Variants in STAB2 observed in about 807,000 individuals in gnomAD.
The protein encoded by STAB2 is stabilin 2.
In STAB2, 288 loss-of-function variants were observed where a neutral mutation model predicts 338.1. The observed-to-expected ratio is 0.85, with a 90% CI of 0.77 to 0.94. The LOEUF (loss-of-function observed/expected upper bound fraction) is 0.94. Ranked by LOEUF, STAB2 falls within the 40% of genes least tolerant of loss-of-function variation. STAB2 has a pLI of 0.00. For synonymous variants in STAB2, 1,202 were observed against 1,193.3 expected (o/e 1.01, Z -0.15); for missense variants, 3,141 against 3,210.1 (o/e 0.98, Z 0.52).
intron 3 of STAB2, among the ~76,000 whole-genome samples, chr12:103,598,847 AC>A (rs1956914673): frequency 6.6e-6 from 1 of 152,144 alleles, no homozygotes; most frequent in African/African-American, 2.4e-5. Context: ...TATATGATAG[AC>A]CCCATTCCCA....
intron 30 of STAB2, among the ~76,000 whole-genome samples, chr12:103,691,532 A>G (rs2138911520): frequency 6.6e-6 from 1 of 152,362 alleles, no homozygotes; most frequent in South Asian, 2.1e-4. Flanking sequence ...TGATGTTTTG[A>G]TATACAAATA....
At chr12:103,670,631 C>G (rs555082722) in intron 21 of STAB2, 65 bp from the exon 22 acceptor site, 1 of 1,269,172 alleles carries the variant, frequency 7.9e-7, no homozygotes, top group Non-Finnish European at 1.1e-6. Context: ...GAAGTCAGGC[C>G]ATGAAATGAA....
intron 12 of STAB2, among the ~76,000 whole-genome samples, chr12:103,654,018 AG>A (rs1565987130): frequency 6.6e-6 from 1 of 152,010 alleles, no homozygotes; most frequent in African/African-American, 2.4e-5. Flanking sequence ...AGATGGATGG[AG>A]GATGCATGCA....
chr12:103,645,460 C>A (rs374933687), intron 9 of STAB2, among the ~76,000 whole-genome samples: 2 of 152,238 alleles, frequency 1.3e-5, no homozygotes, highest in African/African-American at 4.8e-5. Flanking sequence ...CACCTAACAA[C>A]TCAAGAAACT....
intron 3 of STAB2, among the ~76,000 whole-genome samples, chr12:103,610,337 A>G (rs908933882): frequency 2.6e-5 from 4 of 152,122 alleles, no homozygotes; most frequent in Admixed American, 2.6e-4. Context: ...TTGGTTGGTA[A>G]GCTATTAATT....
intron 67 of STAB2, 33 bp from the exon 68 acceptor site, chr12:103,763,459 G>A (rs1566087661): frequency 1.2e-6 from 2 of 1,601,816 alleles, no homozygotes; most frequent in Admixed American, 1.7e-5. Context: ...CTTTGGGGAT[G>A]CTCCTGGCTT....
intron 50 of STAB2, among the ~76,000 whole-genome samples, 189 bp downstream of exon 50, chr12:103,731,824 G>C (rs1348287137): frequency 6.6e-6 from 1 of 152,170 alleles, no homozygotes; most frequent in East Asian, 1.9e-4. Flanking sequence ...TATATGGCTT[G>C]TTGAGCTATA....
chr12:103,729,095 G>C, intron 48 of STAB2, 100 bp downstream of exon 48: 1 of 1,202,010 alleles, frequency 8.3e-7, no homozygotes. Context: ...AACTAATGCA[G>C]GAACAGAAAA....
intron 67 of STAB2, chr12:103,763,167 C>A: frequency 3.9e-6 from 1 of 254,686 alleles, no homozygotes; most frequent in Non-Finnish European, 7.6e-6. Context: ...GGCAACACCA[C>A]TTCAGGGTGA....
chr12:103,613,942 A>G (rs562671246), intron 3 of STAB2, among the ~76,000 whole-genome samples: 68 of 152,210 alleles, frequency 4.5e-4, no homozygotes, highest in African/African-American at 1.4e-3. Context: ...TATTTTGAAC[A>G]TTGTATTTTC....
At chr12:103,590,827 T>G in intron 1 of STAB2, 70 bp from the exon 2 acceptor site, 1 of 1,580,932 alleles carries the variant, frequency 6.3e-7, no homozygotes, top group African/African-American at 1.3e-5. Context: ...TGGAGAAGAT[T>G]GGCCATGCTA....
intron 20 of STAB2, chr12:103,669,319 A>G: frequency 2.0e-6 from 1 of 494,964 alleles, no homozygotes; most frequent in South Asian, 3.1e-5. Context: ...GTCTGTTCGC[A>G]CAGTGTTAGA....
chr12:103,610,623 C>T (rs1292748956), intron 3 of STAB2, among the ~76,000 whole-genome samples: 1 of 152,012 alleles, frequency 6.6e-6, no homozygotes, highest in African/African-American at 2.4e-5. Context: ...TTTTGTTGAT[C>T]TTTTCAAAAA....
rs758044711 is a variant in STAB2, at chr12:103,670,699, GC to G, written c.2264del (p.Ala755GlufsTer49). The G allele has an allele frequency of 1.9e-6, 3 of 1,613,792 alleles. No homozygotes were observed. Among genetic ancestry groups the G allele is most frequent in the Non-Finnish European group, 2.5e-6 (3 of 1,179,806 alleles). ...SNPCSGNGQC[A>X]DSLGGNGTCI... Reference sequence around the variant, plus strand: ...TGGGCCCTGCCTTTGCTCCCAGTGTGCAGATAGCCTCGGCGGCAACGGGACA... The same window carrying G: ...TGGGCCCTGCCTTTGCTCCCAGTGTGAGATAGCCTCGGCGGCAACGGGACA... On this transcript the variant is annotated frameshift_variant, in exon 22 of 69. Coordinates refer to ENST00000388887, the MANE Select transcript of STAB2 (RefSeq NM_017564.10). LOFTEE classifies it high-confidence loss of function.
chr12:103,633,253 T>TA (rs1238116315), intron 6 of STAB2, among the ~76,000 whole-genome samples: 16 of 152,054 alleles, frequency 1.1e-4, no homozygotes, highest in Non-Finnish European at 2.1e-4. Flanking sequence ...TGCTTCCAAG[T>TA]AAAAAAATAA....
intron 68 of STAB2, among the ~76,000 whole-genome samples, chr12:103,765,218 A>G (rs1884850679): frequency 6.6e-6 from 1 of 151,846 alleles, no homozygotes; most frequent in African/African-American, 2.4e-5. Flanking sequence ...TCTCCAATGC[A>G]CCCCATGCCT....
rs772183818 is a variant in STAB2, at chr12:103,745,281, A to G, written c.6136+4A>G. On this transcript the variant is annotated splice_donor_region_variant and intron_variant, in intron 57 of 68. Transcript: ENST00000388887. Reference sequence around the variant, plus strand: ...CCCTCGTGTGACACTCAGGCAGGTCAGTCATGGGAGTGGTCAGCTGCTGGC... The same window carrying G: ...CCCTCGTGTGACACTCAGGCAGGTCGGTCATGGGAGTGGTCAGCTGCTGGC... The G allele has an allele frequency of 1.9e-6, 3 of 1,612,160 alleles. No homozygotes were observed. The highest frequency in any genetic ancestry group is 1.1e-5 in the South Asian group (1 of 90,740).
chr12:103,636,530 A>G (rs1483645282), intron 6 of STAB2, among the ~76,000 whole-genome samples: 1 of 151,950 alleles, frequency 6.6e-6, no homozygotes, highest in Non-Finnish European at 1.5e-5. Context: ...TACATGTCTC[A>G]GTCTAGTCCT....
chr12:103,742,671 C>A (rs1333122574), intron 56 of STAB2, 117 bp downstream of exon 56: 32 of 1,482,422 alleles, frequency 2.2e-5, no homozygotes, highest in Non-Finnish European at 2.9e-5. Context: ...TCAGCCACAC[C>A]CCTCCAATCT....
Sources: allele counts gnomAD v4.1 joint callset (sites outside exome capture counted in the v4.1 genomes callset), GRCh38; gene constraint gnomAD v4.1.1; transcripts MANE v1.5; gene names NCBI Gene and HGNC (gene_info 2026-07-23, HGNC 2026-07-21).